The following CRACD variants were observed in gnomAD, a reference collection of about 807,000 sequenced individuals.
The protein encoded by CRACD is capping protein-inhibiting regulator of actin dynamics.
CRACD carries 56 observed loss-of-function variants against 106.8 expected under a neutral mutation model. That is an observed-to-expected ratio of 0.52 (90% CI 0.42 to 0.66). The LOEUF is 0.66. Among genes scored for constraint, CRACD ranks in the 30% least tolerant of loss-of-function variants. The pLI, the probability that CRACD is intolerant of heterozygous loss-of-function variation, is 0.00. For missense variants in CRACD, 1,730 were observed against 1,623.2 expected, an observed-to-expected ratio of 1.07 and a Z score of -1.13; for synonymous variants, 754 against 670.8, an observed-to-expected ratio of 1.12 and a Z score of -1.92.
At chr4:56,059,708 G>T (rs1732205036) in intron 1 of CRACD, among the ~76,000 whole-genome samples, 1 of 152,132 alleles carries the variant, frequency 6.6e-6, no homozygotes, top group African/African-American at 2.4e-5. Flanking sequence ...TTTTGAGACA[G>T]GTTCTCACTC....
intron 1 of CRACD, among the ~76,000 whole-genome samples, chr4:56,151,909 A>G (rs1735592484): frequency 6.6e-6 from 1 of 152,172 alleles, no homozygotes; most frequent in Non-Finnish European, 1.5e-5. Context: ...GCACCCTATC[A>G]GGTGGCTCTT....
At chr4:56,286,540 A>C (rs1211954675) in intron 3 of CRACD, among the ~76,000 whole-genome samples, 1 of 151,294 alleles carries the variant, frequency 6.6e-6, no homozygotes, top group Non-Finnish European at 1.5e-5. Context: ...AAAAAAAAAA[A>C]AAAAAAAGAT....
chr4:56,061,909 G>A (rs576714358), intron 1 of CRACD, among the ~76,000 whole-genome samples: 1 of 152,308 alleles, frequency 6.6e-6, no homozygotes, highest in South Asian at 2.1e-4. Flanking sequence ...CCAAATAGAT[G>A]TAGTTCTTAC....
At chr4:56,086,975 C>G (rs1733250164) in intron 1 of CRACD, among the ~76,000 whole-genome samples, 1 of 152,174 alleles carries the variant, frequency 6.6e-6, no homozygotes, top group South Asian at 2.1e-4. Context: ...AATGCTCTCT[C>G]TCCCTCTTCT....
At chr4:56,059,100 C>G (rs1220959051) in intron 1 of CRACD, among the ~76,000 whole-genome samples, 1 of 152,106 alleles carries the variant, frequency 6.6e-6, no homozygotes, top group African/African-American at 2.4e-5. Context: ...TGGTTACCTT[C>G]AAGCAGGCAA....
At position 56,315,561 on chromosome 4, in the gene CRACD, G is replaced by A. The variant is rs1745564327; in HGVS notation, c.2059G>A (p.Glu687Lys). 1 of 1,614,132 alleles carries A rather than the reference G, an allele frequency of 6.2e-7. No individual in the cohort carries two copies. The highest frequency in any genetic ancestry group is 8.5e-7 in the Non-Finnish European group (1 of 1,180,038). Residue 687 changes from glutamate to lysine, a missense_variant, in exon 8 of 11, where the codon GAG becomes AAG. Physicochemically the swap from Glu to Lys is moderately conservative, Grantham distance 56. This residue lies in a region of CRACD where 1,620 missense variants were observed against 1,481.6 expected (regional missense o/e 1.09). Coordinates refer to ENST00000682029, the MANE Select transcript of CRACD (RefSeq NM_001393381.1). This position sits in a 1 kb window ranked among gnomAD's most constrained non-coding sequence, Gnocchi z 4.1. ...CGCAGAGAGTGACCCGCGCAGCAGC[G>A]AGAGGGACCAGTTGAGGCCCGGTGA... ...KNAESDPRSS[E>K]RDQLRPGDES...
In CRACD at chr4:56,094,498, G is replaced by A. The variant is rs539018732; in HGVS notation, c.-336+45199G>A. On this transcript the variant is annotated intron_variant, in intron 1 of 10. Coordinates refer to ENST00000682029, the MANE Select transcript of CRACD (RefSeq NM_001393381.1). Reference sequence around the variant, plus strand: ...GGCTGGAGTGCAGTGGTGGGATCTCGGCTCACTGAAACCTCCATCTCTTGG... The same window carrying A: ...GGCTGGAGTGCAGTGGTGGGATCTCAGCTCACTGAAACCTCCATCTCTTGG... 1.2e-3 allele frequency among the ~76,000 whole-genome samples: 177 copies of A among 144,896 alleles called. 1 individual carries two copies. The highest frequency in any genetic ancestry group is 4.0e-3 in the Middle Eastern group (1 of 252).
intron 1 of CRACD, among the ~76,000 whole-genome samples, chr4:56,164,808 T>G (rs182640531): frequency 3.5e-4 from 53 of 152,338 alleles, no homozygotes; most frequent in Admixed American, 2.4e-3. Flanking sequence ...GTAAGCCTGA[T>G]CAAAACTGTT....
At chr4:56,075,733 A>G (rs1396890275) in intron 1 of CRACD, among the ~76,000 whole-genome samples, 1 of 152,162 alleles carries the variant, frequency 6.6e-6, no homozygotes, top group Non-Finnish European at 1.5e-5. Flanking sequence ...ATATCTAAAT[A>G]TGAGGTCTTT....
At chr4:56,297,577 T>TC (rs746375329) in intron 3 of CRACD, among the ~76,000 whole-genome samples, 15 of 152,138 alleles carry the variant, frequency 9.9e-5, no homozygotes, top group Non-Finnish European at 1.9e-4. Flanking sequence ...AAACCTTGTC[T>TC]CTAAAAAATA....
At chr4:56,127,709 A>G (rs1240763712) in intron 1 of CRACD, among the ~76,000 whole-genome samples, 2 of 152,152 alleles carry the variant, frequency 1.3e-5, no homozygotes, top group African/African-American at 4.8e-5. Context: ...CTGGGTGTGC[A>G]TGGCTGGTGT....
At chr4:56,067,937 T>C (rs1732518019) in intron 1 of CRACD, among the ~76,000 whole-genome samples, 1 of 152,100 alleles carries the variant, frequency 6.6e-6, no homozygotes, top group South Asian at 2.1e-4. Context: ...AAAATAAATA[T>C]TTATTGAGTG....
chr4:56,106,992 A>G (rs1050953572), intron 1 of CRACD, among the ~76,000 whole-genome samples: 8 of 152,104 alleles, frequency 5.3e-5, no homozygotes, highest in African/African-American at 1.7e-4. Context: ...TTTTTAAGAG[A>G]TGGGATCTTG....
At position 56,316,655 on chromosome 4, in the gene CRACD, G is replaced by T. The variant is rs1458337532; in HGVS notation, c.3153G>T (p.Glu1051Asp). The T allele has an allele frequency of 2.5e-6, 4 of 1,612,262 alleles. No homozygotes were observed. The highest frequency in any genetic ancestry group is 3.4e-6 in the Non-Finnish European group (4 of 1,179,320). ...CACCTCTGCCTGCCACTCAGCAAGA[G>T]AAACCTTCTCAAACACCCGAGGCCG... is the stretch of plus-strand genomic sequence containing the variant. The part of the protein sequence containing the change: ...ASPPLPATQQ[E>D]KPSQTPEAGR... Residue 1051 changes from glutamate to aspartate, a missense_variant, in exon 8 of 11, where the codon GAG (glutamate) becomes GAT (aspartate). By Grantham distance (45) the Glu-to-Asp change is conservative. Around this residue, in one of 5 missense-constraint regions of CRACD, gnomAD observed 1,620 missense variants for 1,481.6 expected, o/e 1.09. Coordinates refer to ENST00000682029, the MANE Select transcript of CRACD (RefSeq NM_001393381.1).
chr4:56,155,411 G>A (rs1399991574), intron 1 of CRACD, among the ~76,000 whole-genome samples: 3 of 152,174 alleles, frequency 2.0e-5, no homozygotes, highest in Non-Finnish European at 4.4e-5. Context: ...TGGAACCCGT[G>A]GGTATATCAG....
At chr4:56,274,715 A>G (rs1242510151) in intron 3 of CRACD, among the ~76,000 whole-genome samples, 1 of 152,242 alleles carries the variant, frequency 6.6e-6, no homozygotes, top group Non-Finnish European at 1.5e-5. Flanking sequence ...AAGTAAGGAT[A>G]TAAAAGGATA....
intron 4 of CRACD, 93 bp from the exon 5 acceptor site, chr4:56,307,442 C>A: frequency 8.2e-7 from 1 of 1,213,534 alleles, no homozygotes; most frequent in Non-Finnish European, 1.2e-6. Context: ...ACAAGGTATG[C>A]CTCAGTGCTC....
At chr4:56,207,745 C>CATATATATATAT (rs58423475) in intron 2 of CRACD, among the ~76,000 whole-genome samples, 355 of 106,080 alleles carry the variant, frequency 3.3e-3, no homozygotes, top group East Asian at 0.021. Context: ...CTTGTTTTCT[C>CATATATATATAT]ATATATATAT....
chr4:56,286,870 T>G (rs896840457), intron 3 of CRACD, among the ~76,000 whole-genome samples: 3 of 152,108 alleles, frequency 2.0e-5, no homozygotes, highest in Admixed American at 2.0e-4. Context: ...AAAGTAATAA[T>G]AAAAATAAAA....
Sources: gnomAD v4.1 joint callset for allele counts (sites outside exome capture counted in the v4.1 genomes callset) on GRCh38, gnomAD v4.1.1 for gene constraint, gnomAD v4.1.1 regional missense constraint, Gnocchi (gnomAD v3.1) non-coding constraint, MANE v1.5 for transcripts, NCBI Gene and HGNC (gene_info 2026-07-23, HGNC 2026-07-21) for gene names.